IGSF21: variants seen among roughly 807,000 people sequenced by gnomAD.
The protein encoded by IGSF21 is immunoglobin superfamily member 21, also known as immunoglobulin superfamily member 21.
Under a neutral mutation model 46.8 loss-of-function variants are expected in IGSF21, and 28 were observed. The ratio of observed to expected loss-of-function variants is 0.60; its 90% CI spans 0.44 to 0.82. The LOEUF (loss-of-function observed/expected upper bound fraction) is 0.82. IGSF21 is among the 40% of genes least tolerant of loss of function. The probability of loss-of-function intolerance (pLI) is 0.00; values close to 1 mark genes in which losing one functional copy is unlikely to be tolerated. For missense variants in IGSF21, 624 were observed against 665.5 expected, an observed-to-expected ratio of 0.94 and a Z score of 0.69; for synonymous variants, 284 against 273.6, an observed-to-expected ratio of 1.04 and a Z score of -0.38.
At chr1:18,367,087 A>C (rs2086174306) in intron 6 of IGSF21, among the ~76,000 whole-genome samples, 1 of 152,100 alleles carries the variant, frequency 6.6e-6, no homozygotes, top group Non-Finnish European at 1.5e-5. Flanking sequence ...TCATACTCCA[A>C]AACTCCTGTA....
intron 1 of IGSF21, among the ~76,000 whole-genome samples, chr1:18,169,395 C>T (rs913915890): frequency 6.6e-6 from 1 of 152,222 alleles, no homozygotes; most frequent in African/African-American, 2.4e-5. Flanking sequence ...CTTTCTTCCA[C>T]CATTCCTCTA....
At position 18,318,642 on chromosome 1, in the gene IGSF21, G is replaced by A. The variant is rs111398783; in HGVS notation, c.306-16250G>A. 2.8e-3 allele frequency among the ~76,000 whole-genome samples: 421 copies of A among 152,080 alleles called. 2 individuals are homozygous for A. The highest frequency in any genetic ancestry group is 9.6e-3 in the African/African-American group (397 of 41,484). On this transcript the variant is annotated intron_variant, in intron 3 of 9. Transcript: ENST00000251296. The stretch of plus-strand genomic sequence containing the variant: ...GCAGGATCATCCCTGAGCACCTGAC[G>A]GCCCCAGCTCACTCACTGACTTGCA...
At chr1:18,133,726 G>A (rs1294739862) in intron 1 of IGSF21, among the ~76,000 whole-genome samples, 4 of 152,160 alleles carry the variant, frequency 2.6e-5, no homozygotes, top group Non-Finnish European at 4.4e-5. Flanking sequence ...ATAATGACAC[G>A]TCCTCAGGCC....
At chr1:18,178,890 T>G (rs1019032480) in intron 1 of IGSF21, among the ~76,000 whole-genome samples, 1 of 152,238 alleles carries the variant, frequency 6.6e-6, no homozygotes, top group South Asian at 2.1e-4. Flanking sequence ...TTTGAGAATC[T>G]AAGGGCATAA....
chr1:18,186,713 C>T (rs1053450761), intron 1 of IGSF21, among the ~76,000 whole-genome samples: 4 of 152,134 alleles, frequency 2.6e-5, no homozygotes, highest in Non-Finnish European at 1.5e-5. Context: ...TAAAGAAGGA[C>T]CTGTTTTTAC....
chr1:18,302,273 A>C lies in IGSF21; in HGVS notation c.305+10286A>C, dbSNP rs554056019. Among the ~76,000 whole-genome samples the C allele has an allele frequency of 4.6e-5, 7 of 152,114 alleles. No homozygotes were observed. The South Asian group carries it at 1.5e-3, about 32-fold the overall frequency. On this transcript the variant is annotated intron_variant, in intron 3 of 9. Coordinates refer to ENST00000251296, the MANE Select transcript of IGSF21 (RefSeq NM_032880.5). ...GCCTGCTGTGCCCAGGGAGCGCCCC[A>C]TGCATTCCACTTTAGCCTTCTCCTG...
intron 4 of IGSF21, 94 bp from the exon 5 acceptor site, chr1:18,362,021 C>T (rs561160663): frequency 1.2e-6 from 1 of 838,126 alleles, no homozygotes; most frequent in South Asian, 1.7e-5. Flanking sequence ...ACCCCCGGCA[C>T]CCAGCATGGA....
chr1:18,144,504 C>T (rs1409009058), intron 1 of IGSF21, among the ~76,000 whole-genome samples: 1 of 152,158 alleles, frequency 6.6e-6, no homozygotes, highest in East Asian at 1.9e-4. Context: ...CCATTTATTC[C>T]TCTGCCCAAT....
Position 18,211,918 on chromosome 1 carries a change from A to C in IGSF21, c.71-15980A>C, listed in dbSNP as rs909991214. Among the ~76,000 whole-genome samples, 12 of 152,342 alleles carry C rather than the reference A, an allele frequency of 7.9e-5. No homozygotes were observed. In the East Asian group the frequency reaches 2.3e-3, roughly 29 times the overall value. On this transcript the variant is annotated intron_variant, in intron 1 of 9. Transcript: ENST00000251296. ...GCTTTGCTTTAAGTCTCAGTGCAGA[A>C]AGCGAAACAGCAGCCACTGGTGACT...
At chr1:18,267,277 C>T (rs911518514) in intron 2 of IGSF21, among the ~76,000 whole-genome samples, 8 of 152,086 alleles carry the variant, frequency 5.3e-5, no homozygotes, top group African/African-American at 1.7e-4. Flanking sequence ...TTTGTGTGGG[C>T]GTTTTGGAGG....
At chr1:18,233,777 G>A (rs1043566879) in intron 2 of IGSF21, among the ~76,000 whole-genome samples, 6 of 152,136 alleles carry the variant, frequency 3.9e-5, no homozygotes, top group East Asian at 1.9e-4. Context: ...CAGAGACAAC[G>A]CTTTAAATGG....
intron 2 of IGSF21, among the ~76,000 whole-genome samples, chr1:18,267,848 G>T (rs1055650496): frequency 1.3e-5 from 2 of 152,230 alleles, no homozygotes; most frequent in Non-Finnish European, 2.9e-5. Flanking sequence ...ATAAGATTCT[G>T]TTTGAACACA....
At position 18,212,487 on chromosome 1, in the gene IGSF21, C is replaced by T. The variant is rs1005465242; in HGVS notation, c.71-15411C>T. 3.3e-5 allele frequency among the ~76,000 whole-genome samples: 5 copies of T among 152,178 alleles called. No homozygotes were observed. The South Asian group carries it at 6.2e-4, about 19-fold the overall frequency. ...CATCACCATTGTCCTGAGAAATAAG[C>T]GCCATGAGCCCATTTTTCCGATGAG... On this transcript the variant is annotated intron_variant, in intron 1 of 9. Transcript: ENST00000251296.
chr1:18,318,958 G>T (rs912007444), intron 3 of IGSF21, among the ~76,000 whole-genome samples: 1 of 152,166 alleles, frequency 6.6e-6, no homozygotes, highest in Non-Finnish European at 1.5e-5. Context: ...ACCAGGGAAT[G>T]ACCTCTTCCT....
intron 4 of IGSF21, among the ~76,000 whole-genome samples, chr1:18,345,142 A>T (rs2085880142): frequency 6.6e-6 from 1 of 152,078 alleles, no homozygotes; most frequent in Admixed American, 6.5e-5. Flanking sequence ...CTCTGCCTGC[A>T]CTCCTTCTTA....
chr1:18,280,951 C>G (rs1335863241), intron 2 of IGSF21, among the ~76,000 whole-genome samples: 1 of 152,198 alleles, frequency 6.6e-6, no homozygotes, highest in African/African-American at 2.4e-5. Flanking sequence ...CCGGCCTGCA[C>G]GCCAGTGCCA....
At chr1:18,231,486 C>T (rs1160397190) in intron 2 of IGSF21, among the ~76,000 whole-genome samples, 2 of 152,032 alleles carry the variant, frequency 1.3e-5, no homozygotes, top group Admixed American at 6.6e-5. Context: ...GAGCTCAGCC[C>T]GTTTGTAGAA....
At position 18,208,343 on chromosome 1, in the gene IGSF21, G is replaced by C. The variant is rs148537740; in HGVS notation, c.71-19555G>C. On this transcript the variant is annotated intron_variant, in intron 1 of 9. Coordinates refer to ENST00000251296, the MANE Select transcript of IGSF21 (RefSeq NM_032880.5). ...AAGGAAAATGCTGTCCAAAGGTTTC[G>C]GGTTTTGGGCAGTTCTCCTTCAGTT... 4.7e-3 allele frequency among the ~76,000 whole-genome samples: 626 copies of C among 134,304 alleles called. 3 individuals are homozygous for C. Among genetic ancestry groups the C allele is most frequent in the African/African-American group, 0.016 (575 of 36,926 alleles). 88.1% of individuals were successfully genotyped at this position (134,304 alleles called of 152,430 possible).
intron 2 of IGSF21, among the ~76,000 whole-genome samples, chr1:18,237,628 G>C: frequency 6.6e-6 from 1 of 152,158 alleles, no homozygotes; most frequent in East Asian, 1.9e-4. Context: ...CACCAAAGCA[G>C]AATTAAGAGA....
Sources: gnomAD v4.1 joint callset for allele counts (sites outside exome capture counted in the v4.1 genomes callset) on GRCh38, gnomAD v4.1.1 for gene constraint, MANE v1.5 for transcripts, NCBI Gene and HGNC (gene_info 2026-07-23, HGNC 2026-07-21) for gene names.